Variants in LSAMP observed in about 807,000 individuals in gnomAD.
The protein encoded by LSAMP is limbic system associated membrane protein, also known as limbic system-associated membrane protein.
In LSAMP, 7 loss-of-function variants were observed where a neutral mutation model predicts 38.6. The ratio of observed to expected loss-of-function variants is 0.18; its 90% CI spans 0.10 to 0.34. The LOEUF (loss-of-function observed/expected upper bound fraction) is 0.34, where lower values mean the gene tolerates loss of function less well. Among genes scored for constraint, LSAMP ranks in the 10% least tolerant of loss-of-function variants. The probability of loss-of-function intolerance (pLI) is 1.00; values close to 1 mark genes in which losing one functional copy is unlikely to be tolerated. For synonymous variants in LSAMP, 154 were observed against 166.8 expected (o/e 0.92, Z 0.59); for missense variants, 313 against 420.0 (o/e 0.75, Z 2.23).
chr3:116,280,495 G>A (rs1033518986), intron 1 of LSAMP, among the ~76,000 whole-genome samples: 10 of 152,164 alleles, frequency 6.6e-5, no homozygotes, highest in Admixed American at 1.3e-4. Flanking sequence ...GCTTGGCTGC[G>A]GGTCAGGATT....
intron 3 of LSAMP, among the ~76,000 whole-genome samples, chr3:115,964,384 A>G (rs944194859): frequency 1.3e-5 from 2 of 152,154 alleles, no homozygotes; most frequent in African/African-American, 4.8e-5. Context: ...AAATGCAGCA[A>G]TAGTCATATA....
At chr3:116,309,225 A>G (rs1234539939) in intron 1 of LSAMP, among the ~76,000 whole-genome samples, 1 of 152,106 alleles carries the variant, frequency 6.6e-6, no homozygotes, top group Non-Finnish European at 1.5e-5. Context: ...CCTTCTTCCC[A>G]TTTCATAGAC....
chr3:116,110,885 G>A (rs1708594591), intron 1 of LSAMP, among the ~76,000 whole-genome samples: 1 of 152,232 alleles, frequency 6.6e-6, no homozygotes. Flanking sequence ...CAGGTGGGCT[G>A]AGTCGGAAAA....
intron 1 of LSAMP, among the ~76,000 whole-genome samples, chr3:116,372,997 T>C (rs2048449593): frequency 1.3e-5 from 2 of 151,576 alleles, no homozygotes; most frequent in African/African-American, 2.4e-5. Flanking sequence ...TTTTACATTC[T>C]TACCACCAGT....
At chr3:116,230,332 G>A (rs2046389397) in intron 1 of LSAMP, among the ~76,000 whole-genome samples, 1 of 152,032 alleles carries the variant, frequency 6.6e-6, no homozygotes, top group South Asian at 2.1e-4. Flanking sequence ...TTGAGTTTTA[G>A]CTTTTTAGCA....
At chr3:116,320,496 A>G (rs2047693876) in intron 1 of LSAMP, among the ~76,000 whole-genome samples, 2 of 152,164 alleles carry the variant, frequency 1.3e-5, no homozygotes, top group African/African-American at 4.8e-5. Flanking sequence ...ATGTCATTAC[A>G]TGTAACAACC....
intron 1 of LSAMP, among the ~76,000 whole-genome samples, chr3:116,305,907 C>T (rs1384070486): frequency 1.3e-5 from 2 of 148,874 alleles, no homozygotes; most frequent in African/African-American, 2.5e-5. Context: ...TTTATCTCTG[C>T]CTCTTGTAAT....
chr3:116,252,828 A>G (rs546108027), intron 1 of LSAMP, among the ~76,000 whole-genome samples: 1 of 152,230 alleles, frequency 6.6e-6, no homozygotes, highest in Non-Finnish European at 1.5e-5. Context: ...CTTCTTTGCA[A>G]CAGCCTCCAG....
At chr3:115,837,413 ATATTCTCCTCCT>A (rs1293136160) in intron 6 of LSAMP, among the ~76,000 whole-genome samples, 1 of 152,058 alleles carries the variant, frequency 6.6e-6, no homozygotes, top group Non-Finnish European at 1.5e-5. Flanking sequence ...ATGTGTGGGA[ATATTCTCCTCCT>A]TATTCTCCTC....
At chr3:116,117,178 CTT>C (rs1220896279) in intron 1 of LSAMP, among the ~76,000 whole-genome samples, 1 of 152,100 alleles carries the variant, frequency 6.6e-6, no homozygotes, top group Non-Finnish European at 1.5e-5. Context: ...TAAAATGCAA[CTT>C]ATATAATTAT....
intron 3 of LSAMP, among the ~76,000 whole-genome samples, chr3:115,915,029 A>G (rs1440677662): frequency 6.6e-6 from 1 of 152,232 alleles, no homozygotes; most frequent in African/African-American, 2.4e-5. Flanking sequence ...TGGAAGCCAG[A>G]AAGCAGCCAG....
chr3:115,850,344 C>T (rs1440174166), intron 4 of LSAMP, among the ~76,000 whole-genome samples: 1 of 152,006 alleles, frequency 6.6e-6, no homozygotes, highest in Non-Finnish European at 1.5e-5. Flanking sequence ...TCTATGTATA[C>T]CACGATTGGA....
chr3:116,051,523 C>T (rs1941396698), intron 2 of LSAMP, among the ~76,000 whole-genome samples: 1 of 152,126 alleles, frequency 6.6e-6, no homozygotes, highest in Admixed American at 6.6e-5. Context: ...TAAAGAATGT[C>T]ACCTTCCAGC....
chr3:116,025,238 T>C (rs2107695351), intron 2 of LSAMP, among the ~76,000 whole-genome samples: 1 of 152,278 alleles, frequency 6.6e-6, no homozygotes, highest in South Asian at 2.1e-4. Context: ...TATAATGCCA[T>C]GAACCATTTA....
intron 1 of LSAMP, among the ~76,000 whole-genome samples, chr3:116,100,878 T>C (rs1327169361): frequency 1.3e-5 from 2 of 152,200 alleles, no homozygotes; most frequent in African/African-American, 4.8e-5. Context: ...TTCCTTTTTA[T>C]TTAAAATGTC....
chr3:116,211,168 G>C (rs1196308851), intron 1 of LSAMP, among the ~76,000 whole-genome samples: 1 of 152,170 alleles, frequency 6.6e-6, no homozygotes, highest in African/African-American at 2.4e-5. Context: ...AAAGAAGAAT[G>C]ACGGTTACCA....
chr3:116,389,753 T>C (rs1171770188), intron 1 of LSAMP, among the ~76,000 whole-genome samples: 5 of 152,186 alleles, frequency 3.3e-5, no homozygotes, highest in Non-Finnish European at 7.3e-5. Flanking sequence ...ATCTTCTGTG[T>C]TGGAATCCTC....
At chr3:116,080,030 C>G (rs1436474791) in intron 2 of LSAMP, among the ~76,000 whole-genome samples, 2 of 152,054 alleles carry the variant, frequency 1.3e-5, no homozygotes. Context: ...ATCTGTGTAA[C>G]AACCAGATCA....
chr3:116,098,215 G>A (rs764641560), intron 1 of LSAMP, among the ~76,000 whole-genome samples: 2 of 151,994 alleles, frequency 1.3e-5, no homozygotes, highest in Non-Finnish European at 2.9e-5. Flanking sequence ...AAATCACAAG[G>A]AGCCCGGGCG....
Sources: allele counts gnomAD v4.1 joint callset (sites outside exome capture counted in the v4.1 genomes callset), GRCh38; gene constraint gnomAD v4.1.1; transcripts MANE v1.5; gene names NCBI Gene and HGNC (gene_info 2026-07-23, HGNC 2026-07-21).